The following NCOR2 variants were observed in gnomAD, a reference collection of about 807,000 sequenced individuals.
NCOR2 encodes the protein nuclear receptor corepressor 2.
NCOR2 carries 81 observed loss-of-function variants against 262.9 expected under a neutral mutation model. The observed-to-expected ratio is 0.31, with a 90% CI of 0.26 to 0.37. NCOR2 has a LOEUF of 0.37. Among genes scored for constraint, NCOR2 ranks in the 10% least tolerant of loss-of-function variants. NCOR2 has a pLI of 1.00. For synonymous variants in NCOR2, 1,659 were observed against 1,559.3 expected (o/e 1.06, Z -1.51); for missense variants, 3,385 against 3,621.4 (o/e 0.93, Z 1.68).
At chr12:124,552,296 G>A (rs1479039321) in intron 1 of NCOR2, among the ~76,000 whole-genome samples, 2 of 151,814 alleles carry the variant, frequency 1.3e-5, no homozygotes, top group African/African-American at 4.8e-5. Context: ...TCCAGCTTGG[G>A]CAACAGAGCA....
intron 37 of NCOR2, among the ~76,000 whole-genome samples, chr12:124,339,220 C>CTA (rs2036185648): frequency 1.3e-5 from 1 of 74,880 alleles, no homozygotes; most frequent in East Asian, 5.0e-4. Context: ...CTACCTACCA[C>CTA]CCACCCACCC....
Position 124,443,824 on chromosome 12 carries a change from C to T in NCOR2, c.816-5828G>A, listed in dbSNP as rs1165306717. 6.6e-6 allele frequency among the ~76,000 whole-genome samples: 1 copy of T among 152,150 alleles called. No individual in the cohort carries two copies. Among genetic ancestry groups the T allele is most frequent in the African/African-American group, 2.4e-5 (1 of 41,424 alleles). ...CTGGTGCTTTCTAAAATCCTAAATT[C>T]ATTGCCAGCACTGAAAACCAGAGGC... On this transcript the variant is annotated intron_variant, in intron 7 of 46. Coordinates refer to ENST00000405201, the Ensembl canonical transcript of NCOR2. The surrounding 1 kb of genome is among the most constrained non-coding windows in gnomAD (Gnocchi z 4.4).
chr12:124,365,397 T>C (rs934801664), intron 20 of NCOR2, among the ~76,000 whole-genome samples: 3 of 152,222 alleles, frequency 2.0e-5, no homozygotes, highest in Middle Eastern at 6.3e-3. Flanking sequence ...CTGCCAGTGC[T>C]GGATGCCTGG....
In NCOR2 at chr12:124,356,787, G is replaced by A; in HGVS notation, c.3101-5C>T. ...TCTGGGCCTCGGCTGCGAAGGCTGG[G>A]AAGAACACAGGCTTCTCTGCTGAGG... is the stretch of plus-strand genomic sequence containing the variant. On this transcript the variant is annotated splice_polypyrimidine_tract_variant and splice_region_variant and intron_variant, in intron 22 of 46. Coordinates refer to ENST00000405201, the Ensembl canonical transcript of NCOR2. 1 of 1,468,430 alleles carries A rather than the reference G, an allele frequency of 6.8e-7. No individual in the cohort carries two copies. Among genetic ancestry groups the A allele is most frequent in the Non-Finnish European group, 8.9e-7 (1 of 1,119,100 alleles). The allele number at this position is 1,468,430 out of a possible 1,614,324, so 91.0% of individuals were successfully genotyped here. A position where few individuals can be genotyped will look rare whatever the true frequency, so the allele number is the denominator to read the frequency against.
At chr12:124,362,068 C>T in intron 22 of NCOR2, 58 bp downstream of exon 24, 1 of 1,239,736 alleles carries the variant, frequency 8.1e-7, no homozygotes, top group Non-Finnish European at 1.0e-6. Context: ...ACACAAACAT[C>T]CCTTGCCCGT....
intron 33 of NCOR2, among the ~76,000 whole-genome samples, chr12:124,342,330 A>C (rs1243588426): frequency 6.6e-6 from 1 of 152,174 alleles, no homozygotes; most frequent in Non-Finnish European, 1.5e-5. Flanking sequence ...ATGCAGATTA[A>C]CACTCCAAAG....
chr12:124,438,766 G>C (rs2044551199), intron 7 of NCOR2, among the ~76,000 whole-genome samples: 2 of 119,398 alleles, frequency 1.7e-5, no homozygotes, highest in Admixed American at 8.7e-5. Context: ...GAGAGACAGA[G>C]ACCCAGAGAG....
rs377720769 is a variant in NCOR2, at chr12:124,336,815, G to A, written c.6053C>T (p.Pro2018Leu). The A allele has an allele frequency of 3.3e-5, 53 of 1,613,258 alleles. No individual in the cohort carries two copies. The highest frequency in any genetic ancestry group is 4.0e-5 in the African/African-American group (3 of 75,020). The change falls in exon 38 of 47, where the codon CCG (proline) becomes CTG (leucine). Residue 2018 changes from proline to leucine, a missense_variant. By Grantham distance (98) the Pro-to-Leu change is moderately conservative. Transcript: ENST00000405201. ...TTTACTTTGAGTCTTTTCCCGGTGC[G>A]GGTCCGAGGCCGAGGCAGGTGGCGC... is the stretch of plus-strand genomic sequence containing the variant.
chr12:124,510,467 C>T (rs576559202), intron 1 of NCOR2, among the ~76,000 whole-genome samples: 5 of 152,350 alleles, frequency 3.3e-5, no homozygotes, highest in African/African-American at 9.6e-5. Context: ...ACAGCGCCCC[C>T]GTGAGGGATT....
rs1555299189 is a variant in NCOR2, at chr12:124,333,856, A to ACG, written c.6605+567_6605+568insCG. Reference sequence around the variant, plus strand: ...CGGGTGCGCCTGTGTGCGGGTGTGCATGTGTGTGTGCGCATGTGTGCGGGT... The same window carrying ACG: ...CGGGTGCGCCTGTGTGCGGGTGTGCACGTGTGTGTGTGCGCATGTGTGCGGGT... On this transcript the variant is annotated intron_variant, in intron 41 of 46. Coordinates refer to ENST00000405201, the Ensembl canonical transcript of NCOR2. Among the ~76,000 whole-genome samples, 2 of 121,200 alleles carry ACG rather than the reference A, an allele frequency of 1.7e-5. 1 individual carries two copies. Among genetic ancestry groups the ACG allele is most frequent in the Non-Finnish European group, 3.9e-5 (2 of 51,338 alleles). The allele number at this position is 121,200 out of a possible 152,430, so 79.5% of individuals were successfully genotyped here. A position where few individuals can be genotyped will look rare whatever the true frequency, so the allele number is the denominator to read the frequency against.
chr12:124,497,886 G>A (rs1039007793), upstream of NCOR2, among the ~76,000 whole-genome samples: 5 of 152,212 alleles, frequency 3.3e-5, no homozygotes, highest in South Asian at 2.1e-4. The surrounding 1 kb of genome is among the most constrained non-coding windows in gnomAD (Gnocchi z 4.2). Context: ...TGAGACATCC[G>A]TTCTGCAGCC....
chr12:124,447,205 G>A (rs975012209), intron 7 of NCOR2, among the ~76,000 whole-genome samples: 3 of 152,230 alleles, frequency 2.0e-5, no homozygotes, highest in Non-Finnish European at 4.4e-5. Flanking sequence ...GTGAGCCACC[G>A]CGCCCAGCAC....
intron 37 of NCOR2, 105 bp downstream of exon 39, chr12:124,339,901 A>ACCTCCCCTATACCTCCC: frequency 5.4e-6 from 1 of 186,866 alleles, no homozygotes; most frequent in Non-Finnish European, 1.0e-5. Context: ...CTGCCCACCC[A>ACCTCCCCTATACCTCCC]CCCACCTCCC....
In NCOR2 at chr12:124,388,879, AGGG is replaced by A; in HGVS notation, c.1877-2995_1877-2993del. The A allele has an allele frequency of 1.6e-4, 16 of 102,824 alleles. 2 individuals are homozygous for A. The highest frequency in any genetic ancestry group is 9.6e-4 in the South Asian group (10 of 10,406). The allele number at this position is 102,824 out of a possible 1,614,324, so 6.4% of individuals were successfully genotyped here. ...CCGTCCCACGGTGAGGGAGGGAGGG[AGGG>A]AGGGAGGGAGGGAGCGAGGGAGGGA... On this transcript the variant is annotated intron_variant, in intron 16 of 46. Coordinates refer to ENST00000405201, the Ensembl canonical transcript of NCOR2.
upstream of NCOR2, among the ~76,000 whole-genome samples, chr12:124,499,551 G>A (rs2048574709): frequency 6.6e-6 from 1 of 152,260 alleles, no homozygotes; most frequent in Non-Finnish European, 1.5e-5. Flanking sequence ...CAAGAGCAGG[G>A]AGGTGAGCGC....
rs55671091 is a variant in NCOR2 at position 124,432,864 on chromosome 12, G to C, written c.883-2077C>G. ...GTGACTTGAGCAAGTGGCGGCGGGG[G>C]GCGGGGGGTGGGGGCGGGGAAGGGG... On this transcript the variant is annotated intron_variant, in intron 8 of 46. Coordinates refer to ENST00000405201, the Ensembl canonical transcript of NCOR2. The surrounding 1 kb of genome is among the most constrained non-coding windows in gnomAD (Gnocchi z 5.1). Among the ~76,000 whole-genome samples the C allele has an allele frequency of 0.097, 14,450 of 148,532 alleles. 915 individuals carry two copies. Among genetic ancestry groups the C allele is most frequent in the East Asian group, 0.22 (1,082 of 4,844 alleles).
intron 27 of NCOR2, 54 bp from the exon 30 acceptor site, chr12:124,350,791 A>G: frequency 6.4e-7 from 1 of 1,561,390 alleles, no homozygotes; most frequent in Non-Finnish European, 8.7e-7. Context: ...GACCCCTCTC[A>G]ACTCAAATGC....
intron 32 of NCOR2, among the ~76,000 whole-genome samples, chr12:124,344,029 G>A (rs1287671992): frequency 6.6e-6 from 1 of 152,222 alleles, no homozygotes; most frequent in African/African-American, 2.4e-5. Flanking sequence ...AAGACCTGAG[G>A]GATGGAAAGA....
At chr12:124,331,548 C>T (rs774987423) in intron 43 of NCOR2, 15 of 153,830 alleles carry the variant, frequency 9.8e-5, no homozygotes, top group Non-Finnish European at 1.9e-4. Flanking sequence ...CCTTGACCTC[C>T]GAGGCTCAAG....
Sources: gnomAD v4.1 joint callset for allele counts (sites outside exome capture counted in the v4.1 genomes callset) on GRCh38, gnomAD v4.1.1 for gene constraint, Gnocchi (gnomAD v3.1) non-coding constraint, MANE v1.5 for transcripts, NCBI Gene and HGNC (gene_info 2026-07-23, HGNC 2026-07-21) for gene names.